The following HAUS7 variants were observed in gnomAD, a reference collection of about 807,000 sequenced individuals.
HAUS7 encodes the protein HAUS augmin-like complex subunit 7.
HAUS7 carries 3 observed loss-of-function variants against 28.4 expected under a neutral mutation model. That is an observed-to-expected ratio of 0.11 (90% CI 0.05 to 0.27). The LOEUF is 0.27. HAUS7 is among the 10% of genes least tolerant of loss of function. HAUS7 has a pLI of 1.00. For synonymous variants in HAUS7, 165 were observed against 132.1 expected (o/e 1.25, Z -1.71); for missense variants, 284 against 297.3 (o/e 0.96, Z 0.33).
At chrX:153,480,480 G>T in intron 1 of HAUS7, 1 of 536,485 alleles carries the variant, frequency 1.9e-6, no homozygotes, top group Non-Finnish European at 2.3e-6. Flanking sequence ...GGGGCGGGGG[G>T]AGGCCTGGGT....
chrX:153,460,661 A>G (rs781894400), intron 4 of HAUS7, among the ~76,000 whole-genome samples: 1 of 111,893 alleles, frequency 8.9e-6, no homozygotes, highest in East Asian at 2.8e-4. Flanking sequence ...CTTTGCCACA[A>G]TGCCAATGTG....
intron 9 of HAUS7, among the ~76,000 whole-genome samples, chrX:153,448,577 TAAAC>T (rs1412466705): frequency 9.1e-6 from 1 of 109,796 alleles, no homozygotes; most frequent in African/African-American, 3.3e-5. Flanking sequence ...ATAAATAAAA[TAAAC>T]AAATAAATAA....
chrX:153,452,535 C>A (rs2089252574), intron 9 of HAUS7, among the ~76,000 whole-genome samples: 1 of 112,119 alleles, frequency 8.9e-6, no homozygotes, highest in Admixed American at 9.4e-5. Context: ...AAAGAACCAA[C>A]AAGGGAATTA....
chrX:153,456,611 C>T lies in HAUS7; in HGVS notation c.487G>A (p.Ala163Thr), dbSNP rs1220985237. Residue 163 changes from alanine (A) to threonine (T), a missense_variant, in exon 6 of 10, where the codon GCC becomes ACC. Coordinates refer to ENST00000370211, the MANE Select transcript of HAUS7 (RefSeq NM_001385482.1). ...CTAGAGAAGAGCTCCCCCAGCAAGG[C>T]CTCGTTCTTCTCCCTGGTGTCCTCG... The part of the protein sequence containing the change: ...HFEDTREKNE[A>T]LLGELFSSPH... The T allele has an allele frequency of 1.7e-6, 2 of 1,182,288 alleles. No homozygotes were observed. Among genetic ancestry groups the T allele is most frequent in the East Asian group, 3.1e-5 (1 of 32,076 alleles).
At chrX:153,490,424 C>G (rs2089664633) in intron 1 of HAUS7, among the ~76,000 whole-genome samples, 1 of 113,054 alleles carries the variant, frequency 8.8e-6, no homozygotes, top group Non-Finnish European at 1.9e-5. Flanking sequence ...CACTGGGAAG[C>G]TTCCAGAGAG....
chrX:153,485,536 A>C (rs2089630503), intron 1 of HAUS7, among the ~76,000 whole-genome samples: 1 of 112,291 alleles, frequency 8.9e-6, no homozygotes, highest in Non-Finnish European at 1.9e-5. Flanking sequence ...CCCCACCCAG[A>C]TCCTCTAATC....
At chrX:153,478,797 C>A (rs2089579304) in intron 1 of HAUS7, among the ~76,000 whole-genome samples, 1 of 112,741 alleles carries the variant, frequency 8.9e-6, no homozygotes, top group African/African-American at 3.2e-5. Flanking sequence ...GTGCTGCCCA[C>A]GGCAGAAGCC....
At chrX:153,490,993 C>A (rs1483192752) in intron 1 of HAUS7, among the ~76,000 whole-genome samples, 1 of 112,087 alleles carries the variant, frequency 8.9e-6, no homozygotes, top group Non-Finnish European at 1.9e-5. Flanking sequence ...TCTCTCCGTC[C>A]CATCCCCAAG....
chrX:153,488,288 G>A (rs2089650949), intron 1 of HAUS7, among the ~76,000 whole-genome samples: 2 of 113,023 alleles, frequency 1.8e-5, no homozygotes, highest in Admixed American at 9.2e-5. Context: ...CTACCCTGGC[G>A]GGGCCGCCCC....
At chrX:153,494,670 G>T (rs1281294584) in intron 1 of HAUS7, among the ~76,000 whole-genome samples, 10 of 105,404 alleles carry the variant, frequency 9.5e-5, no homozygotes, top group Admixed American at 5.1e-4. Context: ...TGGAAAGTTT[G>T]ACTCTCTGGG....
At chrX:153,466,160 T>TGCGCAA (rs1281022152) in intron 2 of HAUS7, among the ~76,000 whole-genome samples, 2 of 112,619 alleles carry the variant, frequency 1.8e-5, no homozygotes, top group Admixed American at 1.9e-4. Context: ...CCGTGGGTTC[T>TGCGCAA]GCGCAAGCGG....
intron 1 of HAUS7, among the ~76,000 whole-genome samples, chrX:153,484,818 A>AG (rs1183948139): frequency 1.8e-4 from 20 of 113,122 alleles, no homozygotes; most frequent in African/African-American, 6.4e-4. Context: ...CGGCCAGTCA[A>AG]GCCCCAGCTG....
intron 4 of HAUS7, among the ~76,000 whole-genome samples, chrX:153,459,067 T>C (rs1422118652): frequency 8.9e-6 from 1 of 112,488 alleles, no homozygotes; most frequent in Non-Finnish European, 1.9e-5. Flanking sequence ...CTCCTTTTCT[T>C]TTTTGATTCT....
At chrX:153,475,544 C>T (rs1201732663), upstream of HAUS7, among the ~76,000 whole-genome samples, 2 of 112,259 alleles carry the variant, frequency 1.8e-5, no homozygotes, top group Non-Finnish European at 1.9e-5. Context: ...GGAAGAGTTG[C>T]GGGCAACAGG....
chrX:153,473,081 G>A (rs1372305499), upstream of HAUS7, among the ~76,000 whole-genome samples: 1 of 112,155 alleles, frequency 8.9e-6, no homozygotes, highest in Admixed American at 9.4e-5. Flanking sequence ...TTTGTGTGGT[G>A]GGCCCAGAGA....
Position 153,462,602 on chromosome X carries a change from C to A in HAUS7, c.354+8G>T, listed in dbSNP as rs782317693. 1 of 1,178,500 alleles carries A rather than the reference C, an allele frequency of 8.5e-7. No individual in the cohort carries two copies. The highest frequency in any genetic ancestry group is 1.2e-6 in the Non-Finnish European group (1 of 864,815). ...TGCCGTCTGCAGAGCAGACAGAGGC[C>A]CTCTTACCTTGAGGAGCTCCTGGTC... On this transcript the variant is annotated splice_region_variant and intron_variant, in intron 4 of 9. Transcript: ENST00000370211.
chrX:153,483,352 A>G, intron 1 of HAUS7: 1 of 755,153 alleles, frequency 1.3e-6, no homozygotes, highest in Non-Finnish European at 1.6e-6. Flanking sequence ...CGGAGGGCGC[A>G]CTGAGCCACA....
upstream of HAUS7, among the ~76,000 whole-genome samples, chrX:153,471,806 A>G (rs1243331926): frequency 8.9e-6 from 1 of 112,146 alleles, no homozygotes; most frequent in Non-Finnish European, 1.9e-5. Context: ...TCCGGGGGTC[A>G]CAGGAAGGGA....
At chrX:153,459,131 C>T (rs1197162427) in intron 4 of HAUS7, among the ~76,000 whole-genome samples, 1 of 112,036 alleles carries the variant, frequency 8.9e-6, no homozygotes, top group African/African-American at 3.2e-5. Flanking sequence ...CTTTGTGTTC[C>T]TCTAATGGCC....
Sources: allele counts gnomAD v4.1 joint callset (sites outside exome capture counted in the v4.1 genomes callset), GRCh38; gene constraint gnomAD v4.1.1; transcripts MANE v1.5; gene names NCBI Gene and HGNC (gene_info 2026-07-23, HGNC 2026-07-21).